The following DGLUCY variants were observed in gnomAD, a reference collection of about 807,000 sequenced individuals.
The protein encoded by DGLUCY is D-glutamate cyclase, mitochondrial.
In DGLUCY, 58 loss-of-function variants were observed where a neutral mutation model predicts 58.5. The observed-to-expected ratio is 0.99, with a 90% CI of 0.80 to 1.23. The LOEUF is 1.23. Ranked by LOEUF, DGLUCY falls within the 50% of genes most tolerant of loss-of-function variation. The probability of loss-of-function intolerance (pLI) is 0.00; values close to 1 mark genes in which losing one functional copy is unlikely to be tolerated. For synonymous variants in DGLUCY, 325 were observed against 314.1 expected (o/e 1.03, Z -0.37); for missense variants, 779 against 784.7 (o/e 0.99, Z 0.09).
chr14:91,074,940 C>G (rs112653466), intron 1 of DGLUCY, among the ~76,000 whole-genome samples: 1 of 152,000 alleles, frequency 6.6e-6, no homozygotes, highest in Non-Finnish European at 1.5e-5. Context: ...GGTGTGGTGG[C>G]GCATGCCTGT....
intron 13 of DGLUCY, among the ~76,000 whole-genome samples, chr14:91,217,151 C>T (rs1886661232): frequency 6.6e-6 from 1 of 152,224 alleles, no homozygotes; most frequent in Non-Finnish European, 1.5e-5. Context: ...AACGGGACAC[C>T]TACTTGGGGA....
intron 12 of DGLUCY, 86 bp from the exon 13 acceptor site, chr14:91,215,319 C>T: frequency 1.3e-6 from 2 of 1,529,106 alleles, no homozygotes; most frequent in Non-Finnish European, 1.8e-6. Flanking sequence ...TGGACCAGTC[C>T]TGCAGATAGT....
In DGLUCY at chr14:91,224,912, C is replaced by T. The variant is rs2140819320; in HGVS notation, c.*79C>T. 4 of 1,427,210 alleles carry T rather than the reference C, an allele frequency of 2.8e-6. No individual in the cohort carries two copies. The South Asian group carries it at 4.3e-5, about 15-fold the overall frequency. 88.4% of individuals were successfully genotyped at this position (1,427,210 alleles called of 1,614,324 possible). ...GGGAGAATGCAGCTGCTTCTGGCGA[C>T]AATCCTGCTAGTAAACACTGGTCTT... On this transcript the variant is annotated 3_prime_UTR_variant, in exon 14 of 14. Coordinates refer to ENST00000256324, the MANE Select transcript of DGLUCY (RefSeq NM_001102368.3).
intron 10 of DGLUCY, 106 bp from the exon 11 acceptor site, chr14:91,199,651 A>T: frequency 7.6e-7 from 1 of 1,324,386 alleles, no homozygotes. Context: ...TGAAGGAATC[A>T]AAGAAAAAAA....
intron 1 of DGLUCY, among the ~76,000 whole-genome samples, chr14:91,082,194 G>C (rs1419581469): frequency 6.6e-6 from 1 of 151,982 alleles, no homozygotes; most frequent in African/African-American, 2.4e-5. Context: ...AGAGCATGTA[G>C]AGGGTATTTG....
At chr14:91,083,869 C>A (rs2140051881) in intron 1 of DGLUCY, among the ~76,000 whole-genome samples, 1 of 152,276 alleles carries the variant, frequency 6.6e-6, no homozygotes, top group South Asian at 2.1e-4. Flanking sequence ...TAGCTTCCCT[C>A]TGTCCACCCC....
chr14:91,063,902 G>A (rs917198706), intron 1 of DGLUCY, among the ~76,000 whole-genome samples: 13 of 152,214 alleles, frequency 8.5e-5, no homozygotes, highest in Admixed American at 2.6e-4. Flanking sequence ...TGGAGACTGC[G>A]CTGGAGAAGG....
At chr14:91,209,999 C>A (rs999674406) in intron 12 of DGLUCY, among the ~76,000 whole-genome samples, 2 of 151,906 alleles carry the variant, frequency 1.3e-5, no homozygotes, top group African/African-American at 4.8e-5. Context: ...AGACATAATA[C>A]GCCAGGCACA....
At chr14:91,099,586 TAG>T (rs1220979211) in intron 1 of DGLUCY, among the ~76,000 whole-genome samples, 1 of 151,838 alleles carries the variant, frequency 6.6e-6, no homozygotes, top group Non-Finnish European at 1.5e-5. Context: ...CTTTTTTTCT[TAG>T]AGATTCTGAT....
intron 1 of DGLUCY, among the ~76,000 whole-genome samples, chr14:91,071,138 C>G (rs1488170408): frequency 6.6e-6 from 1 of 151,586 alleles, no homozygotes; most frequent in Non-Finnish European, 1.5e-5. Flanking sequence ...AGAGACCATC[C>G]TGGCAAACAC....
intron 12 of DGLUCY, among the ~76,000 whole-genome samples, chr14:91,207,488 C>G (rs1034076759): frequency 4.6e-5 from 7 of 152,094 alleles, no homozygotes; most frequent in Admixed American, 3.3e-4. Flanking sequence ...AGAATTTCCC[C>G]CATATTAATG....
At chr14:91,103,766 TTATCA>T (rs1245920766), upstream of DGLUCY, among the ~76,000 whole-genome samples, 1 of 152,014 alleles carries the variant, frequency 6.6e-6, no homozygotes, top group Admixed American at 6.6e-5. Context: ...CTGCTATCTC[TTATCA>T]TATATATAAA....
In DGLUCY at chr14:91,181,360, A is replaced by C. The variant is rs377123244; in HGVS notation, c.905A>C (p.Glu302Ala). 5.0e-6 allele frequency: 8 copies of C among 1,613,898 alleles called. No homozygotes were observed. The East Asian group carries it at 8.9e-5, about 18-fold the overall frequency. The change falls in exon 8 of 14, where the codon GAA (glutamate) becomes GCA (alanine). Residue 302 changes from glutamate (E) to alanine (A), a missense_variant. Coordinates refer to ENST00000256324, the MANE Select transcript of DGLUCY (RefSeq NM_001102368.3). The part of the protein sequence containing the change: ...ASVSASQKIR[E>A]LESMIGIDPG... Reference sequence around the variant, plus strand: ...GTCTCTGCTTCTCAGAAGATCAGAGAACTAGAGTCTATGATCGGCATAGAC... The same window carrying C: ...GTCTCTGCTTCTCAGAAGATCAGAGCACTAGAGTCTATGATCGGCATAGAC...
At chr14:91,180,317 A>G (rs954301665) in intron 7 of DGLUCY, among the ~76,000 whole-genome samples, 2 of 151,974 alleles carry the variant, frequency 1.3e-5, no homozygotes, top group Admixed American at 6.6e-5. Flanking sequence ...CACACCTGTA[A>G]TCCCAGCACT....
chr14:91,151,855 A>G (rs554259391), intron 1 of DGLUCY, among the ~76,000 whole-genome samples: 20 of 150,272 alleles, frequency 1.3e-4, no homozygotes, highest in Non-Finnish European at 2.2e-4. Flanking sequence ...GGGTTTTGCC[A>G]TGTTGGCCAG....
chr14:91,222,939 A>G (rs938449904), intron 13 of DGLUCY, among the ~76,000 whole-genome samples: 1 of 152,184 alleles, frequency 6.6e-6, no homozygotes, highest in Non-Finnish European at 1.5e-5. Context: ...CTGAGTCCGC[A>G]TGTGGTGGAG....
chr14:91,137,620 C>T (rs1187845735), intron 1 of DGLUCY, among the ~76,000 whole-genome samples: 8 of 149,754 alleles, frequency 5.3e-5, no homozygotes, highest in Non-Finnish European at 1.0e-4. Flanking sequence ...TGGTCTTGAT[C>T]TCCTGACCTC....
chr14:91,117,709 G>A (rs1424107931), intron 1 of DGLUCY, among the ~76,000 whole-genome samples: 2 of 151,824 alleles, frequency 1.3e-5, no homozygotes, highest in Admixed American at 1.3e-4. Context: ...AATATTTGAA[G>A]AGACTTATTC....
At chr14:91,189,650 G>A (rs986923601) in intron 9 of DGLUCY, 4 of 178,168 alleles carry the variant, frequency 2.2e-5, no homozygotes, top group East Asian at 1.5e-4. Flanking sequence ...TCCACTATCC[G>A]TGTAGCCAGA....
Sources: gnomAD v4.1 joint callset for allele counts (sites outside exome capture counted in the v4.1 genomes callset) on GRCh38, gnomAD v4.1.1 for gene constraint, MANE v1.5 for transcripts, NCBI Gene and HGNC (gene_info 2026-07-23, HGNC 2026-07-21) for gene names.